The following PLK5 variants were observed in gnomAD, a reference collection of about 807,000 sequenced individuals.
The protein encoded by PLK5 is polo like kinase 5 (inactive).
PLK5 carries 28 observed loss-of-function variants against 33.7 expected under a neutral mutation model. The ratio of observed to expected loss-of-function variants is 0.83; its 90% CI spans 0.62 to 1.14. The LOEUF is 1.14. Ranked by LOEUF, PLK5 falls within the 50% of genes most tolerant of loss-of-function variation. The pLI is 0.00. For missense variants in PLK5, 492 were observed against 461.5 expected, an observed-to-expected ratio of 1.07 and a Z score of -0.61; for synonymous variants, 225 against 202.2, an observed-to-expected ratio of 1.11 and a Z score of -0.96.
intron 11 of PLK5, among the ~76,000 whole-genome samples, chr19:1,530,909 C>T (rs913958766): frequency 1.8e-4 from 28 of 151,780 alleles, no homozygotes; most frequent in Non-Finnish European, 2.9e-5. Context: ...TAAGCCACCG[C>T]GCCCAGCCTC....
rs1331928116 is a variant in PLK5 at position 1,527,999 on chromosome 19, C to T, written c.66C>T (p.Asn22=). 27 of 1,536,022 alleles carry T rather than the reference C, an allele frequency of 1.8e-5. No individual in the cohort carries two copies. The highest frequency in any genetic ancestry group is 2.3e-5 in the Non-Finnish European group (26 of 1,146,880). ...CACCCCTGTCGGAGATGTACCAAAA[C>T]ATCCGTGAGGGCCACTACCCCGAAC... ...MASPLSEMYQ[N]IREGHYPEPA... Residue 22 remains asparagine, a synonymous_variant, in exon 7 of 14, where the codon AAC becomes AAT. Transcript: ENST00000454744.
rs1428099792 is a variant in PLK5 at position 1,526,543 on chromosome 19, T to C, written c.-255T>C. On this transcript the variant is annotated 5_prime_UTR_variant, in exon 4 of 14. Coordinates refer to ENST00000454744, the MANE Select transcript of PLK5 (RefSeq NM_001243079.2). Reference sequence around the variant, plus strand: ...CCTGACGGAGCCAGAAGTGCGCGACTACCTGCGGGGCCTGGTCAGCGGCCT... The same window carrying C: ...CCTGACGGAGCCAGAAGTGCGCGACCACCTGCGGGGCCTGGTCAGCGGCCT... 2.1e-5 allele frequency: 6 copies of C among 281,804 alleles called. No individual in the cohort carries two copies. Among genetic ancestry groups the C allele is most frequent in the Non-Finnish European group, 4.2e-5 (6 of 141,786 alleles). 17.5% of individuals were successfully genotyped at this position (281,804 alleles called of 1,614,324 possible).
Position 1,528,994 on chromosome 19 carries a change from G to T in PLK5, c.405+20G>T, listed in dbSNP as rs1375857301. 1.4e-6 allele frequency: 2 copies of T among 1,476,626 alleles called. No individual in the cohort carries two copies. The highest frequency in any genetic ancestry group is 1.8e-6 in the Non-Finnish European group (2 of 1,117,700). 91.5% of individuals were successfully genotyped at this position (1,476,626 alleles called of 1,614,324 possible). A position where few individuals can be genotyped will look rare whatever the true frequency, so the allele number is the denominator to read the frequency against. Reference sequence around the variant, plus strand: ...GGCGAGGTGAGACATCGGGGTGGGGGACACGGGGAGACACAGGTGGAGGGC... The same window carrying T: ...GGCGAGGTGAGACATCGGGGTGGGGTACACGGGGAGACACAGGTGGAGGGC... On this transcript the variant is annotated intron_variant, in intron 9 of 13. Coordinates refer to ENST00000454744, the MANE Select transcript of PLK5 (RefSeq NM_001243079.2).
intron 6 of PLK5, 54 bp downstream of exon 6, chr19:1,527,052 C>T (rs1375512875): frequency 2.1e-5 from 18 of 842,660 alleles, no homozygotes; most frequent in Non-Finnish European, 3.0e-5. Context: ...GCAGGTGTGG[C>T]GGGGGGGGAG....
In PLK5 at chr19:1,535,415, G is replaced by A; in HGVS notation, c.*165G>A. The A allele has an allele frequency of 1.5e-6, 1 of 676,362 alleles. No homozygotes were observed. 41.9% of individuals were successfully genotyped at this position (676,362 alleles called of 1,614,324 possible). On this transcript the variant is annotated 3_prime_UTR_variant, in exon 14 of 14. Transcript: ENST00000454744. ...ATGACTGTTCAACCCAGACTTTGCT[G>A]GGATCTCTTCCTTTTTCATTAAAGA... is the stretch of plus-strand genomic sequence containing the variant.
In PLK5 at chr19:1,528,627, CCCCACCTGCCCACACCT is replaced by C. The variant is rs1385124000; in HGVS notation, c.329-227_329-211del. ...CCCACGCCCCCCACCTGCCCACGCC[CCCCACCTGCCCACACCT>C]CCCACCTGCCCACACCTCCCACCTG... On this transcript the variant is annotated intron_variant, in intron 8 of 13. Transcript: ENST00000454744. Among the ~76,000 whole-genome samples the C allele has an allele frequency of 4.4e-3, 217 of 48,962 alleles. 25 individuals are homozygous for C. Among genetic ancestry groups the C allele is most frequent in the African/African-American group, 0.024 (201 of 8,370 alleles). The allele number at this position is 48,962 out of a possible 152,430, so 32.1% of individuals were successfully genotyped here. A position where few individuals can be genotyped will look rare whatever the true frequency, so the allele number is the denominator to read the frequency against.
At chr19:1,529,136 A>G (rs759120476) in intron 9 of PLK5, 162 bp downstream of exon 9, 12 of 699,958 alleles carry the variant, frequency 1.7e-5, no homozygotes, top group Non-Finnish European at 2.5e-5. Flanking sequence ...GCTGGGATCC[A>G]TTTGTGTCCA....
rs1209504368 is a variant in PLK5, at chr19:1,527,949, A to C, written c.16A>C (p.Thr6Pro). The change falls in exon 7 of 14, where the codon ACT (threonine) becomes CCT (proline). Residue 6 changes from threonine to proline, a missense_variant. Transcript: ENST00000454744. Reference sequence around the variant, plus strand: ...CACCTGGCCCAGGTACACGGTGCTGACTGGCACCCCACCCTTCATGGCCTC... The same window carrying C: ...CACCTGGCCCAGGTACACGGTGCTGCCTGGCACCCCACCCTTCATGGCCTC... MYTVL[T>P]GTPPFMASPL... is the part of the protein sequence containing the mutation. 1 of 1,534,362 alleles carries C rather than the reference A, an allele frequency of 6.5e-7. No homozygotes were observed. Among genetic ancestry groups the C allele is most frequent in the South Asian group, 1.2e-5 (1 of 83,842 alleles).
chr19:1,526,845 C>G (rs1012492644), intron 5 of PLK5, 54 bp downstream of exon 5: 60 of 980,984 alleles, frequency 6.1e-5, no homozygotes, highest in Non-Finnish European at 8.2e-5. Flanking sequence ...CACGGCTGGC[C>G]CTGAAGTCTG....
Position 1,534,012 on chromosome 19 carries a change from C to T in PLK5, c.796C>T (p.Leu266=). 1 of 1,535,684 alleles carries T rather than the reference C, an allele frequency of 6.5e-7. No homozygotes were observed. The highest frequency in any genetic ancestry group is 8.7e-7 in the Non-Finnish European group (1 of 1,146,786). ...LRFLASEHAL[L]LLFSNGMVQV... Reference sequence around the variant, plus strand: ...CTTCCTGGCCTCTGAGCACGCCCTGCTGCTGCTGTTCAGCAATGGGATGGT... The same window carrying T: ...CTTCCTGGCCTCTGAGCACGCCCTGTTGCTGCTGTTCAGCAATGGGATGGT... Residue 266 remains leucine (L), a synonymous_variant, in exon 13 of 14, where the codon CTG becomes TTG. Transcript: ENST00000454744.
At chr19:1,528,679 C>T (rs867891361) in intron 8 of PLK5, among the ~76,000 whole-genome samples, 1 of 125,994 alleles carries the variant, frequency 7.9e-6, no homozygotes, top group Middle Eastern at 4.0e-3. Flanking sequence ...GCCCACACCT[C>T]CCACCTGCTC....
At chr19:1,532,850 TAG>T (rs1913972089) in intron 12 of PLK5, among the ~76,000 whole-genome samples, 1 of 151,836 alleles carries the variant, frequency 6.6e-6, no homozygotes, top group African/African-American at 2.4e-5. Flanking sequence ...GTATTTTTAG[TAG>T]AGACGGGGTT....
intron 9 of PLK5, 131 bp from the exon 10 acceptor site, chr19:1,529,275 C>A: frequency 1.2e-6 from 1 of 811,406 alleles, no homozygotes; most frequent in Non-Finnish European, 1.9e-6. Flanking sequence ...GGCTGCCTCC[C>A]AAGGGGAAAG....
intron 6 of PLK5, 124 bp downstream of exon 6, chr19:1,527,122 C>T (rs967389775): frequency 7.7e-6 from 8 of 1,041,530 alleles, no homozygotes; most frequent in South Asian, 4.8e-5. Flanking sequence ...AGGCACCTGT[C>T]GCCAAGTGTG....
chr19:1,528,912 A>G lies in PLK5; in HGVS notation c.343A>G (p.Lys115Glu). Residue 115 changes from lysine (K) to glutamate (E), a missense_variant, in exon 9 of 14, where the codon AAA becomes GAA. Physicochemically the swap from Lys to Glu is moderately conservative, Grantham distance 56. Coordinates refer to ENST00000454744, the MANE Select transcript of PLK5 (RefSeq NM_001243079.2). ...QCRPPCPFTP[K>E]EASGPGEGGP... ...GCCTCCCTCAGGCCCCTTCACGCCT[A>G]AAGAGGCCTCGGGTCCAGGAGAAGG... 6.6e-7 allele frequency: 1 copy of G among 1,513,412 alleles called. No homozygotes were observed. 93.7% of individuals were successfully genotyped at this position (1,513,412 alleles called of 1,614,324 possible). A position where few individuals can be genotyped will look rare whatever the true frequency, so the allele number is the denominator to read the frequency against.
chr19:1,534,170 A>G, intron 13 of PLK5, 129 bp downstream of exon 13: 2 of 725,586 alleles, frequency 2.8e-6, no homozygotes, highest in Non-Finnish European at 2.2e-6. Context: ...AAAAAAAAAA[A>G]AAAGGTATTG....
intron 11 of PLK5, among the ~76,000 whole-genome samples, 165 bp from the exon 12 acceptor site, chr19:1,531,573 T>C (rs1029969097): frequency 2.3e-4 from 35 of 152,206 alleles, no homozygotes; most frequent in Non-Finnish European, 3.1e-4. Flanking sequence ...GTGGCTTCTG[T>C]TGATGTCTGG....
rs57882577 is a variant in PLK5 at position 1,524,600 on chromosome 19, CGTGTGTGTGTGTGTGT to C, written c.-544+371_-544+386del. 6.3e-4 allele frequency among the ~76,000 whole-genome samples: 95 copies of C among 149,988 alleles called. No individual in the cohort carries two copies. The highest frequency in any genetic ancestry group is 5.4e-3 in the East Asian group (27 of 5,044). Reference sequence around the variant, plus strand: ...AAGTGTCTGGGTGCTGTGCGGTGTTCGTGTGTGTGTGTGTGTGTGTGTGTGTGTGTGTCTGGGTGTT... The same window carrying C: ...AAGTGTCTGGGTGCTGTGCGGTGTTCGTGTGTGTGTGTGTGTCTGGGTGTT... On this transcript the variant is annotated intron_variant, in intron 1 of 13. Coordinates refer to ENST00000454744, the MANE Select transcript of PLK5 (RefSeq NM_001243079.2). The surrounding 1 kb of genome is among the most constrained non-coding windows in gnomAD (Gnocchi z 4.5).
rs115875674 is a variant in PLK5 at position 1,524,415 on chromosome 19, G to A, written c.-544+169G>A. On this transcript the variant is annotated intron_variant, in intron 1 of 13. Coordinates refer to ENST00000454744, the MANE Select transcript of PLK5 (RefSeq NM_001243079.2). This position sits in a 1 kb window ranked among gnomAD's most constrained non-coding sequence, Gnocchi z 4.5. ...GGCCTCCCGTGCGGGGTTTCGCATG[G>A]CGGGAACCGTGTTGAGCGCGCTGTG... Among the ~76,000 whole-genome samples the A allele has an allele frequency of 0.017, 2,554 of 152,202 alleles. 74 individuals carry two copies. Among genetic ancestry groups the A allele is most frequent in the African/African-American group, 0.058 (2,410 of 41,560 alleles).
Sources: gnomAD v4.1 joint callset for allele counts (sites outside exome capture counted in the v4.1 genomes callset) on GRCh38, gnomAD v4.1.1 for gene constraint, Gnocchi (gnomAD v3.1) non-coding constraint, MANE v1.5 for transcripts, NCBI Gene and HGNC (gene_info 2026-07-23, HGNC 2026-07-21) for gene names.